Variants in WDR12 observed in about 807,000 individuals in gnomAD.
The protein encoded by WDR12 is WD repeat domain 12, also known as ribosome biogenesis protein WDR12.
In WDR12, 42 loss-of-function variants were observed where a neutral mutation model predicts 64.3. The observed-to-expected ratio is 0.65, with a 90% confidence interval of 0.51 to 0.84. WDR12 has a LOEUF of 0.84. Among genes scored for constraint, WDR12 ranks in the 40% least tolerant of loss-of-function variants. The pLI, the probability that WDR12 is intolerant of heterozygous loss-of-function variation, is 0.00. For missense variants in WDR12, 469 were observed against 494.6 expected, an observed-to-expected ratio of 0.95 and a Z score of 0.49; for synonymous variants, 158 against 173.3, an observed-to-expected ratio of 0.91 and a Z score of 0.70.
chr2:202,911,656 A>C lies in WDR12; in HGVS notation c.-180T>G, dbSNP rs966837324. On this transcript the variant is annotated 5_prime_UTR_variant, in exon 1 of 13. Transcript: ENST00000261015. ...CCCTCCGGTCTCCTCTGCAGAAAGCACGAGGTTGCCCTTCTACAGACGCCC... is the reference window on the plus strand; with the variant it reads ...CCCTCCGGTCTCCTCTGCAGAAAGCCCGAGGTTGCCCTTCTACAGACGCCC... 1 of 631,764 alleles carries C rather than the reference A, an allele frequency of 1.6e-6. No individual in the cohort carries two copies. Among genetic ancestry groups the C allele is most frequent in the Non-Finnish European group, 2.9e-6 (1 of 349,624 alleles). 39.1% of individuals were successfully genotyped at this position (631,764 alleles called of 1,614,324 possible).
chr2:202,890,984 ACTTTG>A (rs1430890446), intron 8 of WDR12, among the ~76,000 whole-genome samples: 1 of 128,168 alleles, frequency 7.8e-6, no homozygotes, highest in Non-Finnish European at 1.7e-5. Flanking sequence ...ACAGAGCAAG[ACTTTG>A]TCTCTTTAAA....
At position 202,901,064 on chromosome 2, in the gene WDR12, C is replaced by G; in HGVS notation, c.192G>C (p.Met64Ile). 6.3e-7 allele frequency: 1 copy of G among 1,599,592 alleles called. No homozygotes were observed. The highest frequency in any genetic ancestry group is 8.5e-7 in the Non-Finnish European group (1 of 1,170,230). ...DFLIKGQFLR[M>I]PLDKHMEMEN... Reference sequence around the variant, plus strand: ...CCATTTCCATGTGTTTGTCCAAGGGCATTCGCAGAAACTGGCCCTTAATAA... The same window carrying G: ...CCATTTCCATGTGTTTGTCCAAGGGGATTCGCAGAAACTGGCCCTTAATAA... Residue 64 changes from methionine (M) to isoleucine (I), a missense_variant, in exon 3 of 13, where the codon ATG becomes ATC. Met to Ile is a conservative substitution (Grantham distance 10, BLOSUM62 1). Coordinates refer to ENST00000261015, the MANE Select transcript of WDR12 (RefSeq NM_018256.4).
At chr2:202,897,908 A>AAAAAAATATATATAT (rs1466552102) in intron 4 of WDR12, among the ~76,000 whole-genome samples, 1 of 40,054 alleles carries the variant, frequency 2.5e-5, no homozygotes, top group Non-Finnish European at 5.0e-5. Context: ...AAAAAAAAAA[A>AAAAAAATATATATAT]ATATATATAT....
chr2:202,897,225 T>G (rs905093645), intron 5 of WDR12, 75 bp downstream of exon 5: 45 of 1,010,746 alleles, frequency 4.5e-5, no homozygotes, highest in Non-Finnish European at 6.1e-5. Flanking sequence ...CTCCCCATTC[T>G]TCCCCAGCAC....
Position 202,897,322 on chromosome 2 carries a change from T to C in WDR12, c.432A>G (p.Lys144=). 6.2e-7 allele frequency: 1 copy of C among 1,600,644 alleles called. No homozygotes were observed. The highest frequency in any genetic ancestry group is 8.5e-7 in the Non-Finnish European group (1 of 1,174,754). Reference sequence around the variant, plus strand: ...AACCTTTTTTCACCCAGGCCACATCTTTTACAACATCCGTATGTCCCACAA... The same window carrying C: ...AACCTTTTTTCACCCAGGCCACATCCTTTACAACATCCGTATGTCCCACAA... ...MTIVGHTDVV[K]DVAWVKKDSL... is the part of the protein sequence containing the mutation. The change falls in exon 5 of 13, where the codon AAA becomes AAG. Residue 144 remains lysine, a synonymous_variant. Transcript: ENST00000261015.
intron 6 of WDR12, among the ~76,000 whole-genome samples, chr2:202,895,570 C>G (rs1395400225): frequency 7.2e-6 from 1 of 139,206 alleles, no homozygotes; most frequent in East Asian, 2.1e-4. Context: ...TGGGCCCAGG[C>G]TGGAGTGCAA....
At chr2:202,888,179 T>C (rs1168775410) in intron 8 of WDR12, among the ~76,000 whole-genome samples, 1 of 152,180 alleles carries the variant, frequency 6.6e-6, no homozygotes. Context: ...AAATGCTTTA[T>C]GCTAAGTGAA....
chr2:202,908,767 T>G (rs899276392), intron 1 of WDR12, among the ~76,000 whole-genome samples: 6 of 152,146 alleles, frequency 3.9e-5, no homozygotes, highest in African/African-American at 1.4e-4. Flanking sequence ...GGCACTGAAA[T>G]AGAGGAACAC....
At chr2:202,888,492 A>G (rs2105904919) in intron 8 of WDR12, among the ~76,000 whole-genome samples, 1 of 152,324 alleles carries the variant, frequency 6.6e-6, no homozygotes, top group African/African-American at 2.4e-5. Context: ...CATTGTCACT[A>G]CAAACTAAGT....
chr2:202,881,575 G>T (rs1242743977), intron 12 of WDR12, among the ~76,000 whole-genome samples: 1 of 152,084 alleles, frequency 6.6e-6, no homozygotes, highest in East Asian at 1.9e-4. Flanking sequence ...GAGGCCAGGA[G>T]TTCAAGACTA....
chr2:202,897,888 C>CAAA (rs10637220), intron 4 of WDR12, among the ~76,000 whole-genome samples: 52 of 74,188 alleles, frequency 7.0e-4, no homozygotes, highest in African/African-American at 2.3e-3. Flanking sequence ...GACTCCGTTT[C>CAAA]AAAAAAAAAA....
At chr2:202,901,241 G>T in intron 2 of WDR12, 122 bp from the exon 3 acceptor site, 1 of 511,286 alleles carries the variant, frequency 2.0e-6, no homozygotes. Flanking sequence ...GTTTCTCTGT[G>T]ATTTTTAAGA....
intron 10 of WDR12, 182 bp downstream of exon 10, chr2:202,884,016 T>A (rs1559158342): frequency 1.5e-6 from 1 of 665,762 alleles, no homozygotes; most frequent in Non-Finnish European, 2.5e-6. Context: ...TTTCTCTATG[T>A]TGGCCAGGCT....
At position 202,874,829 on chromosome 2, in the gene WDR12, T is replaced by G. The variant is rs1335911125; in HGVS notation, c.*6031A>C. 6.6e-6 allele frequency: 1 copy of G among 152,198 alleles called. No individual in the cohort carries two copies. Among genetic ancestry groups the G allele is most frequent in the Admixed American group, 6.5e-5 (1 of 15,278 alleles). The allele number at this position is 152,198 out of a possible 1,614,324, so 9.4% of individuals were successfully genotyped here. Reference sequence around the variant, plus strand: ...TTTATTCAAGCAAAGCTAGAAACAGTATTAGAATTAGACACAATTCTAGAA... The same window carrying G: ...TTTATTCAAGCAAAGCTAGAAACAGGATTAGAATTAGACACAATTCTAGAA... On this transcript the variant is annotated 3_prime_UTR_variant, in exon 13 of 13. Coordinates refer to ENST00000261015, the MANE Select transcript of WDR12 (RefSeq NM_018256.4).
chr2:202,885,420 AC>A (rs1688028053), intron 8 of WDR12, among the ~76,000 whole-genome samples: 1 of 152,116 alleles, frequency 6.6e-6, no homozygotes, highest in Non-Finnish European at 1.5e-5. Flanking sequence ...GCATACGATG[AC>A]CTTTACTATC....
rs1687887023 is a variant in WDR12, at chr2:202,877,661, C to T, written c.*3199G>A. ...TATGGGTGACATAGTGAGACCCTGTCTTGACAAAAAAACAAAAAAACCAAC... is the reference window on the plus strand; with the variant it reads ...TATGGGTGACATAGTGAGACCCTGTTTTGACAAAAAAACAAAAAAACCAAC... On this transcript the variant is annotated 3_prime_UTR_variant, in exon 13 of 13. Coordinates refer to ENST00000261015, the MANE Select transcript of WDR12 (RefSeq NM_018256.4). 1 of 152,162 alleles carries T rather than the reference C, an allele frequency of 6.6e-6. No homozygotes were observed. The highest frequency in any genetic ancestry group is 2.4e-5 in the African/African-American group (1 of 41,378). 9.4% of individuals were successfully genotyped at this position (152,162 alleles called of 1,614,324 possible).
rs529863342 is a variant in WDR12, at chr2:202,910,501, C to T, written c.41+935G>A. Among the ~76,000 whole-genome samples, 9 of 152,040 alleles carry T rather than the reference C, an allele frequency of 5.9e-5. No individual in the cohort carries two copies. In the East Asian group the frequency reaches 1.5e-3, roughly 26 times the overall value. The stretch of plus-strand genomic sequence containing the variant: ...TCCCACCACTGCAGTCCAGCCTGGG[C>T]AACAGAGTGAGACTCTGTCTCCAAA... On this transcript the variant is annotated intron_variant, in intron 1 of 12. Transcript: ENST00000261015.
intron 2 of WDR12, 73 bp from the exon 3 acceptor site, chr2:202,901,192 C>A: frequency 9.2e-7 from 1 of 1,084,264 alleles, no homozygotes. Context: ...ATGAGAACTC[C>A]CAAAACAAAC....
chr2:202,886,759 C>A, intron 8 of WDR12, among the ~76,000 whole-genome samples: 1 of 127,540 alleles, frequency 7.8e-6, no homozygotes, highest in South Asian at 2.6e-4. Flanking sequence ...AAGAGTGAAA[C>A]TCCATCTCAA....
Sources: gnomAD v4.1 joint callset for allele counts (sites outside exome capture counted in the v4.1 genomes callset) on GRCh38, gnomAD v4.1.1 for gene constraint, MANE v1.5 for transcripts, NCBI Gene and HGNC (gene_info 2026-07-23, HGNC 2026-07-21) for gene names.